The following RFTN1 variants were observed in gnomAD, a reference collection of about 807,000 sequenced individuals.
RFTN1 encodes the protein raftlin.
RFTN1 carries 26 observed loss-of-function variants against 46.5 expected under a neutral mutation model. The observed-to-expected ratio is 0.56, with a 90% CI of 0.41 to 0.78. The LOEUF is 0.78. Among genes scored for constraint, RFTN1 ranks in the 30% least tolerant of loss-of-function variants. The pLI, the probability that RFTN1 is intolerant of heterozygous loss-of-function variation, is 0.00. For missense variants in RFTN1, 693 were observed against 718.7 expected (o/e 0.96, Z 0.41); for synonymous variants, 261 against 284.2 (o/e 0.92, Z 0.82).
chr3:16,352,659 T>A lies in RFTN1; in HGVS notation c.1146+5273A>T, dbSNP rs927134015. ...ATGGGGGGAGGATCTGTCTCACTGA[T>A]GATACCAGGTGACTGACACAGAAAG... On this transcript the variant is annotated intron_variant, in intron 7 of 9. Transcript: ENST00000334133. The surrounding 1 kb of genome is among the most constrained non-coding windows in gnomAD (Gnocchi z 4.6). Among the ~76,000 whole-genome samples, 1 of 152,252 alleles carries A rather than the reference T, an allele frequency of 6.6e-6. No individual in the cohort carries two copies.
At chr3:16,331,968 A>G (rs1039248021) in intron 7 of RFTN1, among the ~76,000 whole-genome samples, 4 of 152,262 alleles carry the variant, frequency 2.6e-5, no homozygotes, top group African/African-American at 9.6e-5. Flanking sequence ...CAGCAATGCT[A>G]TTGAGATAAT....
rs536843098 is a variant in RFTN1, at chr3:16,473,408, T to A, written c.145+20317A>T. Among the ~76,000 whole-genome samples the A allele has an allele frequency of 1.3e-5, 2 of 151,824 alleles. No individual in the cohort carries two copies. The highest frequency in any genetic ancestry group is 2.9e-5 in the Non-Finnish European group (2 of 67,924). On this transcript the variant is annotated intron_variant, in intron 2 of 9. Transcript: ENST00000334133. The surrounding 1 kb of genome is among the most constrained non-coding windows in gnomAD (Gnocchi z 5.3). ...TCTGTTTTCTTTCTTTTTTCTTTTTTTTTTTTTCCTGAGATAGAGTCTGGC... is the reference window on the plus strand; with the variant it reads ...TCTGTTTTCTTTCTTTTTTCTTTTTATTTTTTTCCTGAGATAGAGTCTGGC...
At chr3:16,508,254 G>A (rs2076842316) in intron 1 of RFTN1, among the ~76,000 whole-genome samples, 1 of 152,178 alleles carries the variant, frequency 6.6e-6, no homozygotes, top group Non-Finnish European at 1.5e-5. Flanking sequence ...CATCAAAGCT[G>A]CCAGCCTTCT....
chr3:16,441,695 C>G (rs1487456409), intron 2 of RFTN1, among the ~76,000 whole-genome samples: 1 of 152,344 alleles, frequency 6.6e-6, no homozygotes, highest in South Asian at 2.1e-4. Flanking sequence ...CAAAGTCTGA[C>G]TTTGGTCTTC....
chr3:16,476,315 C>G (rs1283131023), intron 2 of RFTN1, among the ~76,000 whole-genome samples: 1 of 152,204 alleles, frequency 6.6e-6, no homozygotes, highest in African/African-American at 2.4e-5. Flanking sequence ...TTCACTCATT[C>G]AGTCATTCAA....
chr3:16,347,519 C>G (rs76462499), intron 7 of RFTN1: 1 of 152,220 alleles, frequency 6.6e-6, no homozygotes. Context: ...CCTCACTACT[C>G]CAATCTTCAA....
At chr3:16,333,724 C>A (rs975260371) in intron 7 of RFTN1, among the ~76,000 whole-genome samples, 3 of 150,928 alleles carry the variant, frequency 2.0e-5, no homozygotes, top group Admixed American at 1.3e-4. Flanking sequence ...GCTCATATTA[C>A]AGAAAAAAAA....
intron 2 of RFTN1, among the ~76,000 whole-genome samples, chr3:16,434,392 ACAAAAAC>A (rs2075458734): frequency 8.3e-6 from 1 of 120,658 alleles, no homozygotes; most frequent in African/African-American, 2.9e-5. Context: ...AAACAAACAA[ACAAAAAC>A]AAAAAAACCC....
chr3:16,368,320 G>A (rs930460151), intron 6 of RFTN1, among the ~76,000 whole-genome samples: 1 of 147,866 alleles, frequency 6.8e-6, no homozygotes, highest in South Asian at 2.2e-4. Flanking sequence ...TGTGTAGAGG[G>A]AGGTTACCCA....
intron 2 of RFTN1, among the ~76,000 whole-genome samples, chr3:16,435,455 A>T (rs1023092888): frequency 3.3e-5 from 5 of 152,146 alleles, no homozygotes; most frequent in Non-Finnish European, 5.9e-5. Context: ...CTGTAATCCC[A>T]GCTACTCGGG....
At position 16,317,236 on chromosome 3, in the gene RFTN1, G is replaced by T; in HGVS notation, c.1333-4C>A. The T allele has an allele frequency of 6.2e-7, 1 of 1,611,082 alleles. No homozygotes were observed. The highest frequency in any genetic ancestry group is 1.1e-5 in the South Asian group (1 of 90,980). Reference sequence around the variant, plus strand: ...CTCTGGAGAATCGCCACTGAAACTAGAAATCAGAAAGGATGGGGATAAATA... The same window carrying T: ...CTCTGGAGAATCGCCACTGAAACTATAAATCAGAAAGGATGGGGATAAATA... On this transcript the variant is annotated splice_region_variant and splice_polypyrimidine_tract_variant and intron_variant, in intron 9 of 9. Coordinates refer to ENST00000334133, the MANE Select transcript of RFTN1 (RefSeq NM_015150.2). This position sits in a 1 kb window ranked among gnomAD's most constrained non-coding sequence, Gnocchi z 4.3.
chr3:16,505,920 C>G (rs1279931746), intron 1 of RFTN1, among the ~76,000 whole-genome samples: 1 of 152,086 alleles, frequency 6.6e-6, no homozygotes, highest in Non-Finnish European at 1.5e-5. Context: ...TGTGCAAGGC[C>G]CTGTTCTAAA....
chr3:16,493,781 G>A lies in RFTN1; in HGVS notation c.89C>T (p.Thr30Ile). The stretch of plus-strand genomic sequence containing the variant: ...GTATTCATAGGACACATCTATCTTG[G>A]TTTCCACCTGAGGCCTCTTCAAAGT... Reference protein sequence around the residue: ...YSTLKRPQVETKIDVSYEYRF... With the variant: ...YSTLKRPQVEIKIDVSYEYRF... The change falls in exon 2 of 10, where the codon ACC (threonine) becomes ATC (isoleucine). Residue 30 changes from threonine to isoleucine, a missense_variant. Transcript: ENST00000334133. 1 of 1,613,984 alleles carries A rather than the reference G, an allele frequency of 6.2e-7. No individual in the cohort carries two copies. Among genetic ancestry groups the A allele is most frequent in the Non-Finnish European group, 8.5e-7 (1 of 1,179,992 alleles).
rs1432361231 is a variant in RFTN1 at position 16,460,936 on chromosome 3, G to T, written c.146-26899C>A. On this transcript the variant is annotated intron_variant, in intron 2 of 9. Transcript: ENST00000334133. The surrounding 1 kb of genome is among the most constrained non-coding windows in gnomAD (Gnocchi z 4.8). Reference sequence around the variant, plus strand: ...CTTCAACAAATGACAGACAAAGCAGGTTTGGTCCCAATGTAAAATGAAGTC... The same window carrying T: ...CTTCAACAAATGACAGACAAAGCAGTTTTGGTCCCAATGTAAAATGAAGTC... Among the ~76,000 whole-genome samples the T allele has an allele frequency of 6.6e-6, 1 of 152,160 alleles. No homozygotes were observed. The highest frequency in any genetic ancestry group is 1.5e-5 in the Non-Finnish European group (1 of 68,036).
At chr3:16,432,872 A>G (rs1258341904) in intron 3 of RFTN1, among the ~76,000 whole-genome samples, 1 of 152,226 alleles carries the variant, frequency 6.6e-6, no homozygotes, top group African/African-American at 2.4e-5. Flanking sequence ...TTGATCAACC[A>G]TGAAGAAATA....
rs34945684 is a variant in RFTN1, at chr3:16,480,998, GACACACAC to G, written c.145+12719_145+12726del. On this transcript the variant is annotated intron_variant, in intron 2 of 9. Coordinates refer to ENST00000334133, the MANE Select transcript of RFTN1 (RefSeq NM_015150.2). This position sits in a 1 kb window ranked among gnomAD's most constrained non-coding sequence, Gnocchi z 4.3. ...ATATGCACATGCACACACACACACA[GACACACAC>G]ACACACACACACACACACACACACC... 6.5e-4 allele frequency among the ~76,000 whole-genome samples: 95 copies of G among 145,882 alleles called. No homozygotes were observed. Among genetic ancestry groups the G allele is most frequent in the African/African-American group, 2.3e-3 (90 of 39,310 alleles).
chr3:16,415,993 G>T, intron 3 of RFTN1: 2 of 274,344 alleles, frequency 7.3e-6, no homozygotes, highest in South Asian at 3.5e-5. Context: ...AGAATAGCTT[G>T]GCTCCTTGAA....
rs1264152755 is a variant in RFTN1 at position 16,427,428 on chromosome 3, T to C, written c.332+6423A>G. 6.6e-6 allele frequency among the ~76,000 whole-genome samples: 1 copy of C among 152,180 alleles called. No individual in the cohort carries two copies. The highest frequency in any genetic ancestry group is 1.5e-5 in the Non-Finnish European group (1 of 68,042). On this transcript the variant is annotated intron_variant, in intron 3 of 9. Coordinates refer to ENST00000334133, the MANE Select transcript of RFTN1 (RefSeq NM_015150.2). This position sits in a 1 kb window ranked among gnomAD's most constrained non-coding sequence, Gnocchi z 5.4. ...GATGAGCATTCTCTGAGATTTACTT[T>C]CCTGGAAATAAAACAGCAAAAGCCA...
chr3:16,373,333 C>G (rs560648), intron 5 of RFTN1, among the ~76,000 whole-genome samples: 1 of 151,884 alleles, frequency 6.6e-6, no homozygotes. Context: ...TCCTGTTACA[C>G]GTGTTCACCG....
Sources: gnomAD v4.1 joint callset for allele counts (sites outside exome capture counted in the v4.1 genomes callset) on GRCh38, gnomAD v4.1.1 for gene constraint, Gnocchi (gnomAD v3.1) non-coding constraint, MANE v1.5 for transcripts, NCBI Gene and HGNC (gene_info 2026-07-23, HGNC 2026-07-21) for gene names.